GMDS: variants seen among roughly 807,000 people sequenced by gnomAD.
The protein encoded by GMDS is GDP-mannose 4,6-dehydratase.
A neutral mutation model predicts 49.9 loss-of-function variants in GMDS; 20 were observed. That is an observed-to-expected ratio of 0.40 (90% confidence interval 0.28 to 0.58). The LOEUF is 0.58. GMDS is among the 20% of genes least tolerant of loss of function. The pLI, the probability that GMDS is intolerant of heterozygous loss-of-function variation, is 0.42. For missense variants in GMDS, 362 were observed against 481.4 expected (o/e 0.75, Z 2.32); for synonymous variants, 177 against 178.6 (o/e 0.99, Z 0.07).
chr6:1,962,670 T>A (rs963419124), intron 4 of GMDS, among the ~76,000 whole-genome samples: 9 of 152,092 alleles, frequency 5.9e-5, no homozygotes, highest in African/African-American at 2.2e-4. Flanking sequence ...TTATCAGCCA[T>A]TTGTATCTTG....
At chr6:2,076,075 A>G (rs1177539523) in intron 4 of GMDS, among the ~76,000 whole-genome samples, 1 of 152,192 alleles carries the variant, frequency 6.6e-6, no homozygotes, top group Non-Finnish European at 1.5e-5. Flanking sequence ...GTGTCTGTTC[A>G]TATCCTTCGC....
intron 6 of GMDS, among the ~76,000 whole-genome samples, chr6:1,941,110 C>A (rs564979125): frequency 1.3e-5 from 2 of 151,964 alleles, no homozygotes; most frequent in Non-Finnish European, 2.9e-5. Context: ...TCTATTCATT[C>A]GATACACTAA....
In GMDS at chr6:1,778,307, G is replaced by A. The variant is rs1768924360; in HGVS notation, c.772-35721C>T. On this transcript the variant is annotated intron_variant, in intron 7 of 10. Coordinates refer to ENST00000380815, the MANE Select transcript of GMDS (RefSeq NM_001500.4). This position sits in a 1 kb window ranked among gnomAD's most constrained non-coding sequence, Gnocchi z 4.6. The stretch of plus-strand genomic sequence containing the variant: ...CTAGGTCAAAAGAGCAAATGCAAAA[G>A]TGACAATGTGGATAATTGCCTGTTT... Among the ~76,000 whole-genome samples, 1 of 152,164 alleles carries A rather than the reference G, an allele frequency of 6.6e-6. No individual in the cohort carries two copies. The highest frequency in any genetic ancestry group is 2.1e-4 in the South Asian group (1 of 4,824).
At chr6:2,140,459 A>G (rs779176398) in intron 1 of GMDS, among the ~76,000 whole-genome samples, 6 of 152,244 alleles carry the variant, frequency 3.9e-5, no homozygotes, top group Non-Finnish European at 8.8e-5. Flanking sequence ...TAGGCCACTC[A>G]GTCTGTTTCA....
intron 9 of GMDS, among the ~76,000 whole-genome samples, chr6:1,657,536 T>A (rs1278457143): frequency 1.3e-5 from 2 of 152,194 alleles, no homozygotes; most frequent in African/African-American, 4.8e-5. Flanking sequence ...AGCCTAGGAA[T>A]GCTTTCAAGC....
chr6:2,132,670 GCACAGTGCC>G (rs952968648), intron 1 of GMDS, among the ~76,000 whole-genome samples: 9 of 152,192 alleles, frequency 5.9e-5, no homozygotes, highest in Non-Finnish European at 2.9e-5. Flanking sequence ...ATACTGGATG[GCACAGTGCC>G]CTGGAAAAAT....
At chr6:1,734,017 T>A (rs1167595594) in intron 8 of GMDS, among the ~76,000 whole-genome samples, 1 of 152,140 alleles carries the variant, frequency 6.6e-6, no homozygotes, top group East Asian at 1.9e-4. Flanking sequence ...GGGTGCCGTT[T>A]TTATGCTTGG....
At chr6:2,135,032 G>A (rs1229122843) in intron 1 of GMDS, among the ~76,000 whole-genome samples, 1 of 152,104 alleles carries the variant, frequency 6.6e-6, no homozygotes, top group African/African-American at 2.4e-5. Context: ...CTTGTTCAAG[G>A]TCATAGAGCT....
At chr6:1,921,018 C>A (rs1228217623) in intron 7 of GMDS, among the ~76,000 whole-genome samples, 1 of 152,180 alleles carries the variant, frequency 6.6e-6, no homozygotes, top group Non-Finnish European at 1.5e-5. Flanking sequence ...ATGAGCGTGA[C>A]TAAAGGGTGG....
intron 4 of GMDS, among the ~76,000 whole-genome samples, chr6:2,034,992 A>G (rs149550084): frequency 0.014 from 2,077 of 152,268 alleles, 17 homozygotes; most frequent in Non-Finnish European, 0.021. Context: ...TGCTAGCCCT[A>G]TGGAACTGCT....
chr6:2,055,343 G>A (rs933630101), intron 4 of GMDS, among the ~76,000 whole-genome samples: 28 of 151,848 alleles, frequency 1.8e-4, no homozygotes, highest in African/African-American at 6.8e-4. Context: ...ATTCATAAAG[G>A]TCAGCAAATC....
intron 6 of GMDS, chr6:1,952,089 C>T (rs960880188): frequency 1.9e-4 from 111 of 597,468 alleles, no homozygotes; most frequent in Non-Finnish European, 2.3e-4. Context: ...GCTTCACGAC[C>T]TTGGACAACT....
rs925883406 is a variant in GMDS, at chr6:2,245,525, G to A, written c.-103C>T. 1.8e-6 allele frequency: 1 copy of A among 569,986 alleles called. No individual in the cohort carries two copies. The highest frequency in any genetic ancestry group is 2.7e-6 in the Non-Finnish European group (1 of 369,480). The allele number at this position is 569,986 out of a possible 1,614,324, so 35.3% of individuals were successfully genotyped here. On this transcript the variant is annotated 5_prime_UTR_variant, in exon 1 of 11. Transcript: ENST00000380815. Reference sequence around the variant, plus strand: ...GTGTGCAGCACGAAGCGCCTCTCCAGGCTGCGGGCAGGGAGGGAGAGCGCA... The same window carrying A: ...GTGTGCAGCACGAAGCGCCTCTCCAAGCTGCGGGCAGGGAGGGAGAGCGCA...
chr6:1,832,116 A>G (rs945345519), intron 7 of GMDS, among the ~76,000 whole-genome samples: 1 of 151,852 alleles, frequency 6.6e-6, no homozygotes, highest in African/African-American at 2.4e-5. Flanking sequence ...GCACTCTGGG[A>G]GGCCAAGGTG....
At chr6:1,931,821 G>C (rs538606202) in intron 6 of GMDS, among the ~76,000 whole-genome samples, 2 of 151,988 alleles carry the variant, frequency 1.3e-5, no homozygotes, top group East Asian at 3.9e-4. Context: ...GAGTCCAATG[G>C]AAGTATTTGA....
rs73716922 is a variant in GMDS, at chr6:2,009,552, T to C, written c.346-48586A>G. The stretch of plus-strand genomic sequence containing the variant: ...TTTTTAAAAGGCAGGAGGGTCTCTT[T>C]CACAAATATGTTAGATCTGAGCACA... On this transcript the variant is annotated intron_variant, in intron 4 of 10. Coordinates refer to ENST00000380815, the MANE Select transcript of GMDS (RefSeq NM_001500.4). 4.3e-3 allele frequency among the ~76,000 whole-genome samples: 649 copies of C among 152,310 alleles called. 9 individuals are homozygous for C. The highest frequency in any genetic ancestry group is 0.015 in the African/African-American group (626 of 41,570).
intron 8 of GMDS, among the ~76,000 whole-genome samples, chr6:1,731,529 T>G (rs1044328977): frequency 6.6e-6 from 1 of 152,172 alleles, no homozygotes; most frequent in African/African-American, 2.4e-5. Flanking sequence ...ATACTGCAAA[T>G]TAATAGGCAA....
intron 1 of GMDS, among the ~76,000 whole-genome samples, chr6:2,178,939 G>T (rs950014924): frequency 1.2e-4 from 18 of 152,140 alleles, no homozygotes; most frequent in Non-Finnish European, 2.5e-4. Context: ...GTCATTATCA[G>T]AACAGAATAA....
In GMDS at chr6:1,624,076, A is replaced by G. The variant is rs1762769969; in HGVS notation, c.*93T>C. The G allele has an allele frequency of 8.6e-7, 1 of 1,167,788 alleles. No homozygotes were observed. The allele number at this position is 1,167,788 out of a possible 1,614,324, so 72.3% of individuals were successfully genotyped here. A position where few individuals can be genotyped will look rare whatever the true frequency, so the allele number is the denominator to read the frequency against. Reference sequence around the variant, plus strand: ...AGCAGGGGCCGCAGGGGACCCGCAGATTGGCACGCCGCTCCCCATCCCCGC... The same window carrying G: ...AGCAGGGGCCGCAGGGGACCCGCAGGTTGGCACGCCGCTCCCCATCCCCGC... On this transcript the variant is annotated 3_prime_UTR_variant, in exon 11 of 11. Transcript: ENST00000380815.
Sources: allele counts gnomAD v4.1 joint callset (sites outside exome capture counted in the v4.1 genomes callset), GRCh38; gene constraint gnomAD v4.1.1; non-coding constraint Gnocchi (gnomAD v3.1); transcripts MANE v1.5; gene names NCBI Gene and HGNC (gene_info 2026-07-23, HGNC 2026-07-21).